Variants in GRIK4 observed in about 807,000 individuals in gnomAD.
GRIK4 encodes the protein glutamate ionotropic receptor kainate type subunit 4, also known as glutamate receptor ionotropic, kainate 4.
Under a neutral mutation model 104.9 loss-of-function variants are expected in GRIK4, and 40 were observed. The ratio of observed to expected loss-of-function variants is 0.38; its 90% confidence interval spans 0.30 to 0.50. GRIK4 has a LOEUF of 0.50. GRIK4 is among the 20% of genes least tolerant of loss of function. The pLI is 0.93. For missense variants in GRIK4, 1,047 were observed against 1,308.1 expected (o/e 0.80, Z 3.08); for synonymous variants, 485 against 524.9 (o/e 0.92, Z 1.04).
intron 1 of GRIK4, among the ~76,000 whole-genome samples, chr11:120,609,516 CTTTTTTTTTTT>C (rs58736481): frequency 1.0e-3 from 58 of 57,158 alleles, no homozygotes; most frequent in African/African-American, 4.2e-3. Context: ...TTTGCAGTTG[CTTTTTTTTTTT>C]TTTTTTTTTT....
chr11:120,894,072 C>T (rs1942497842), intron 11 of GRIK4, among the ~76,000 whole-genome samples: 3 of 152,174 alleles, frequency 2.0e-5, no homozygotes, highest in Admixed American at 2.0e-4. Flanking sequence ...GGGAACTATA[C>T]TTTGAGACAC....
intron 1 of GRIK4, among the ~76,000 whole-genome samples, chr11:120,611,765 G>C (rs907039452): frequency 3.3e-5 from 5 of 152,100 alleles, no homozygotes; most frequent in African/African-American, 1.2e-4. Flanking sequence ...GGCGGAGACT[G>C]TGCCTCCTCC....
In GRIK4 at chr11:120,956,809, AC is replaced by A. The variant is rs1238963272; in HGVS notation, c.1733del (p.Pro578HisfsTer11). The A allele has an allele frequency of 6.2e-7, 1 of 1,612,970 alleles. No homozygotes were observed. Among genetic ancestry groups the A allele is most frequent in the Admixed American group, 1.7e-5 (1 of 59,926 alleles). The stretch of plus-strand genomic sequence containing the variant: ...ACGCCCTACGAGTGGTACAGCCCAC[AC>A]CCATGTGCCCAGGGCCGGTGCAACC... ...RLTPYEWYSPHPCAQGRCNLL... is the reference protein window; with the variant it reads ...RLTPYEWYSPXPCAQGRCNLL... On this transcript the variant is annotated frameshift_variant, in exon 16 of 21. Transcript: ENST00000527524. LOFTEE classifies it high-confidence loss of function. This position sits in a 1 kb window ranked among gnomAD's most constrained non-coding sequence, Gnocchi z 4.6.
At chr11:120,960,222 AG>A (rs1365952170) in intron 16 of GRIK4, among the ~76,000 whole-genome samples, 2 of 152,004 alleles carry the variant, frequency 1.3e-5, no homozygotes, top group East Asian at 3.9e-4. Context: ...TCAGCTACTC[AG>A]GAGGCCGAGG....
At chr11:120,740,099 T>C (rs1272047345) in intron 3 of GRIK4, among the ~76,000 whole-genome samples, 1 of 152,218 alleles carries the variant, frequency 6.6e-6, no homozygotes, top group Non-Finnish European at 1.5e-5. Flanking sequence ...GGCTGAACTT[T>C]TGCAGATTTA....
At chr11:120,830,464 T>C (rs1953393847) in intron 6 of GRIK4, among the ~76,000 whole-genome samples, 2 of 152,296 alleles carry the variant, frequency 1.3e-5, no homozygotes, top group South Asian at 4.1e-4. Context: ...CTCTCCCTCC[T>C]TTTTGGCCTG....
chr11:120,885,393 T>TC (rs1400858981), intron 11 of GRIK4, among the ~76,000 whole-genome samples: 1 of 151,896 alleles, frequency 6.6e-6, no homozygotes, highest in East Asian at 1.9e-4. Context: ...CTTCTTTTTT[T>TC]TTTTTTTCTG....
At position 120,555,337 on chromosome 11, in the gene GRIK4, A is replaced by C. The variant is rs921125249; in HGVS notation, c.-159+43450A>C. Among the ~76,000 whole-genome samples, 1 of 152,256 alleles carries C rather than the reference A, an allele frequency of 6.6e-6. No homozygotes were observed. The highest frequency in any genetic ancestry group is 2.4e-5 in the African/African-American group (1 of 41,476). On this transcript the variant is annotated intron_variant, in intron 1 of 20. Transcript: ENST00000527524. This position sits in a 1 kb window ranked among gnomAD's most constrained non-coding sequence, Gnocchi z 5.3. ...AACCAGAAGCCACTGTGAGGCAGCAAGGGCCAGATGAGAAGTGGAAACGTG... is the reference window on the plus strand; with the variant it reads ...AACCAGAAGCCACTGTGAGGCAGCACGGGCCAGATGAGAAGTGGAAACGTG...
intron 3 of GRIK4, among the ~76,000 whole-genome samples, chr11:120,717,535 G>A (rs1049034725): frequency 6.6e-6 from 1 of 151,876 alleles, no homozygotes; most frequent in African/African-American, 2.4e-5. Flanking sequence ...CGCAGGGCCA[G>A]GAAATCTGAG....
intron 3 of GRIK4, among the ~76,000 whole-genome samples, chr11:120,774,353 G>A (rs1241928181): frequency 6.6e-6 from 1 of 152,180 alleles, no homozygotes; most frequent in African/African-American, 2.4e-5. Flanking sequence ...TGTGTGTGGA[G>A]AGAGAGATTG....
At chr11:120,928,278 C>A (rs1363030869) in intron 13 of GRIK4, among the ~76,000 whole-genome samples, 1 of 151,094 alleles carries the variant, frequency 6.6e-6, no homozygotes, top group Non-Finnish European at 1.5e-5. Flanking sequence ...TTTAGCTTTC[C>A]CAAAGACCCC....
intron 13 of GRIK4, among the ~76,000 whole-genome samples, chr11:120,921,140 C>A (rs1280526968): frequency 6.6e-6 from 1 of 152,212 alleles, no homozygotes; most frequent in African/African-American, 2.4e-5. Flanking sequence ...CATTTAGTCA[C>A]CTTCTACCAC....
intron 13 of GRIK4, among the ~76,000 whole-genome samples, chr11:120,922,843 C>G (rs1943253381): frequency 6.6e-6 from 1 of 152,224 alleles, no homozygotes; most frequent in Non-Finnish European, 1.5e-5. Context: ...TTCAGATAGG[C>G]TGCCTCGCTT....
intron 1 of GRIK4, among the ~76,000 whole-genome samples, chr11:120,635,200 G>A (rs1949383524): frequency 6.6e-6 from 1 of 152,222 alleles, no homozygotes; most frequent in South Asian, 2.1e-4. Flanking sequence ...TAGGAACCAA[G>A]CACATCCCAC....
chr11:120,560,553 A>G (rs909088478), intron 1 of GRIK4, among the ~76,000 whole-genome samples: 3 of 152,230 alleles, frequency 2.0e-5, no homozygotes, highest in Non-Finnish European at 2.9e-5. Flanking sequence ...CTAGACTTAT[A>G]TACAAGTCTG....
In GRIK4 at chr11:120,537,850, TA is replaced by T. The variant is rs36018905; in HGVS notation, c.-159+25977del. ...GTTGGAACACATACTTGTTTGTTCT[TA>T]AAAAAAAAAAAAAGAAACCAACAAA... On this transcript the variant is annotated intron_variant, in intron 1 of 20. Transcript: ENST00000527524. 3.1e-3 allele frequency among the ~76,000 whole-genome samples: 432 copies of T among 141,374 alleles called. 1 individual carries two copies. The highest frequency in any genetic ancestry group is 3.6e-3 in the Middle Eastern group (1 of 280). The allele number at this position is 141,374 out of a possible 152,430, so 92.7% of individuals were successfully genotyped here.
intron 3 of GRIK4, among the ~76,000 whole-genome samples, chr11:120,695,732 G>T (rs1252701549): frequency 2.0e-5 from 3 of 152,234 alleles, no homozygotes; most frequent in Non-Finnish European, 4.4e-5. Context: ...AAGGTGAGAT[G>T]CAGTGTCATT....
chr11:120,900,148 G>T (rs1341760514), intron 12 of GRIK4, among the ~76,000 whole-genome samples: 1 of 152,218 alleles, frequency 6.6e-6, no homozygotes, highest in Non-Finnish European at 1.5e-5. Context: ...GGGCATTGAC[G>T]ATGGGCTCTG....
rs1264714878 is a variant in GRIK4, at chr11:120,730,080, C to CA, written c.82+69681dup. The stretch of plus-strand genomic sequence containing the variant: ...TTGAAAATGAGTTCACTAGGTGGGG[C>CA]ACGGTGTCTCATGCCTGTAATCCTA... On this transcript the variant is annotated intron_variant, in intron 3 of 20. Transcript: ENST00000527524. 3.3e-5 allele frequency among the ~76,000 whole-genome samples: 5 copies of CA among 152,250 alleles called. No homozygotes were observed. The South Asian group carries it at 1.0e-3, about 32-fold the overall frequency.
Sources: allele counts gnomAD v4.1 joint callset (sites outside exome capture counted in the v4.1 genomes callset), GRCh38; gene constraint gnomAD v4.1.1; non-coding constraint Gnocchi (gnomAD v3.1); transcripts MANE v1.5; gene names NCBI Gene and HGNC (gene_info 2026-07-23, HGNC 2026-07-21).